The following MACROD2 variants were observed in gnomAD, a reference collection of about 807,000 sequenced individuals.
The protein encoded by MACROD2 is mono-ADP ribosylhydrolase 2, also known as ADP-ribose glycohydrolase MACROD2.
Under a neutral mutation model 70.4 loss-of-function variants are expected in MACROD2, and 36 were observed. The observed-to-expected ratio is 0.51, with a 90% CI of 0.39 to 0.68. The LOEUF is 0.68. Among genes scored for constraint, MACROD2 ranks in the 30% least tolerant of loss-of-function variants. The probability of loss-of-function intolerance (pLI) is 0.00; values close to 1 mark genes in which losing one functional copy is unlikely to be tolerated. For missense variants in MACROD2, 496 were observed against 538.4 expected (o/e 0.92, Z 0.78); for synonymous variants, 172 against 178.8 (o/e 0.96, Z 0.30).
intron 10 of MACROD2, among the ~76,000 whole-genome samples, chr20:15,919,177 C>T (rs796767071): frequency 2.6e-5 from 4 of 152,190 alleles, no homozygotes; most frequent in African/African-American, 9.6e-5. Context: ...GCAAATTGAC[C>T]GATTTGGCAG....
chr20:15,421,895 TAA>T (rs1245728206), intron 6 of MACROD2, among the ~76,000 whole-genome samples: 1 of 151,842 alleles, frequency 6.6e-6, no homozygotes, highest in Admixed American at 6.6e-5. Flanking sequence ...CAATAGAGAG[TAA>T]TTTAGCTGGA....
chr20:14,744,437 T>C (rs2071773501), intron 5 of MACROD2, among the ~76,000 whole-genome samples: 1 of 152,216 alleles, frequency 6.6e-6, no homozygotes, highest in Non-Finnish European at 1.5e-5. Flanking sequence ...ATATATTATC[T>C]TACATAATTA....
At chr20:14,814,087 A>G (rs2072746238) in intron 5 of MACROD2, among the ~76,000 whole-genome samples, 1 of 152,156 alleles carries the variant, frequency 6.6e-6, no homozygotes, top group Admixed American at 6.5e-5. Flanking sequence ...ATTTCTTAGT[A>G]TACATCACAA....
At chr20:15,097,645 A>G (rs2075843852) in intron 5 of MACROD2, among the ~76,000 whole-genome samples, 1 of 152,190 alleles carries the variant, frequency 6.6e-6, no homozygotes, top group Admixed American at 6.5e-5. Context: ...TTTGTGGAAA[A>G]CAGGGAGAAA....
At chr20:15,636,377 G>A (rs1239498863) in intron 8 of MACROD2, among the ~76,000 whole-genome samples, 1 of 152,150 alleles carries the variant, frequency 6.6e-6, no homozygotes, top group African/African-American at 2.4e-5. Context: ...CCACCTCCAT[G>A]GTAATACTTG....
At chr20:15,603,905 T>C (rs2048858548) in intron 8 of MACROD2, among the ~76,000 whole-genome samples, 1 of 151,912 alleles carries the variant, frequency 6.6e-6, no homozygotes, top group African/African-American at 2.4e-5. Flanking sequence ...TTGAACAATA[T>C]GTGTTCTGGA....
intron 5 of MACROD2, among the ~76,000 whole-genome samples, chr20:14,936,430 A>G (rs2074340888): frequency 6.6e-6 from 1 of 152,172 alleles, no homozygotes; most frequent in Admixed American, 6.5e-5. Context: ...CTCTTCAAAT[A>G]CCTGCTGAAA....
chr20:15,700,114 G>T (rs767905530), intron 8 of MACROD2, among the ~76,000 whole-genome samples: 5 of 152,162 alleles, frequency 3.3e-5, no homozygotes, highest in Non-Finnish European at 4.4e-5. Flanking sequence ...GGGTCTCTCG[G>T]GTCCTGCAGG....
At chr20:14,004,956 CT>C (rs1285837977) in intron 2 of MACROD2, among the ~76,000 whole-genome samples, 1 of 152,052 alleles carries the variant, frequency 6.6e-6, no homozygotes, top group African/African-American at 2.4e-5. Flanking sequence ...TTCCTGAGTA[CT>C]TGAATAGTTC....
At chr20:14,290,602 TG>T (rs918530283) in intron 3 of MACROD2, among the ~76,000 whole-genome samples, 6 of 151,642 alleles carry the variant, frequency 4.0e-5, no homozygotes, top group African/African-American at 1.5e-4. Context: ...CTCTGCCTCC[TG>T]GGTTCAGGCA....
chr20:14,626,415 A>G (rs1188859833), intron 4 of MACROD2, among the ~76,000 whole-genome samples: 3 of 152,152 alleles, frequency 2.0e-5, no homozygotes, highest in Admixed American at 2.0e-4. Flanking sequence ...ACAGTGCTGT[A>G]TTCCCAGTAC....
rs974501438 is a variant in MACROD2, at chr20:14,670,080, G to T, written c.302-14763G>T. On this transcript the variant is annotated intron_variant, in intron 4 of 17. Coordinates refer to ENST00000684519, the MANE Select transcript of MACROD2 (RefSeq NM_001351661.2). ...AAATTTCCCAGTTGTTTTAAAAAAAGGTATGTTGCCGAGCTTTTGAGGAAC... is the reference window on the plus strand; with the variant it reads ...AAATTTCCCAGTTGTTTTAAAAAAATGTATGTTGCCGAGCTTTTGAGGAAC... 3.3e-5 allele frequency among the ~76,000 whole-genome samples: 5 copies of T among 151,900 alleles called. No homozygotes were observed. In the East Asian group the frequency reaches 9.7e-4, roughly 29 times the overall value.
rs546058509 is a variant in MACROD2, at chr20:14,825,981, A to T, written c.418+141022A>T. Among the ~76,000 whole-genome samples, 3 of 152,286 alleles carry T rather than the reference A, an allele frequency of 2.0e-5. No individual in the cohort carries two copies. In the South Asian group the frequency reaches 6.2e-4, roughly 32 times the overall value. On this transcript the variant is annotated intron_variant, in intron 5 of 17. Coordinates refer to ENST00000684519, the MANE Select transcript of MACROD2 (RefSeq NM_001351661.2). Reference sequence around the variant, plus strand: ...AGCTTCAATAAGGAGATAGGCTTTTATAATGCCACAGTTTGGGTTGTACTG... The same window carrying T: ...AGCTTCAATAAGGAGATAGGCTTTTTTAATGCCACAGTTTGGGTTGTACTG...
At chr20:15,020,999 T>TGCATACACATGTGTATATGTATAC in intron 5 of MACROD2, among the ~76,000 whole-genome samples, 1 of 148,182 alleles carries the variant, frequency 6.7e-6, no homozygotes, top group Non-Finnish European at 1.5e-5. Flanking sequence ...TATATGTATA[T>TGCATACACATGTGTATATGTATAC]GCATACACAT....
chr20:14,917,602 A>C (rs1164257776), intron 5 of MACROD2, among the ~76,000 whole-genome samples: 1 of 151,944 alleles, frequency 6.6e-6, no homozygotes, highest in East Asian at 1.9e-4. Flanking sequence ...AGGAAGACAA[A>C]CCTCCAAAAC....
At chr20:15,982,867 A>T (rs1390408620) in intron 13 of MACROD2, among the ~76,000 whole-genome samples, 1 of 151,948 alleles carries the variant, frequency 6.6e-6, no homozygotes, top group Non-Finnish European at 1.5e-5. Context: ...TTCTTGTGCT[A>T]ACAGGGCCGT....
intron 3 of MACROD2, among the ~76,000 whole-genome samples, chr20:14,131,353 A>G (rs17226901): frequency 0.09 from 13,688 of 152,212 alleles, 696 homozygotes; most frequent in African/African-American, 0.13. Context: ...TATAGCTTTT[A>G]TATATTAACA....
chr20:14,171,928 T>C (rs2081224098), intron 3 of MACROD2, among the ~76,000 whole-genome samples: 1 of 152,228 alleles, frequency 6.6e-6, no homozygotes, highest in Non-Finnish European at 1.5e-5. Context: ...GTGCTGTCAG[T>C]AGAGTATTAA....
intron 7 of MACROD2, among the ~76,000 whole-genome samples, chr20:15,451,414 A>AAAT (rs1324593615): frequency 8.9e-6 from 1 of 111,988 alleles, no homozygotes; most frequent in Non-Finnish European, 2.0e-5. Flanking sequence ...GAAGGGTGGT[A>AAAT]AATAAAAAAA....
Sources: gnomAD v4.1 joint callset for allele counts (sites outside exome capture counted in the v4.1 genomes callset) on GRCh38, gnomAD v4.1.1 for gene constraint, MANE v1.5 for transcripts, NCBI Gene and HGNC (gene_info 2026-07-23, HGNC 2026-07-21) for gene names.